The following CA8 variants were observed in gnomAD, a reference collection of about 807,000 sequenced individuals.
CA8 encodes carbonic anhydrase 8 (inactive), also known as carbonic anhydrase-related protein.
CA8 carries 22 observed loss-of-function variants against 41.4 expected under a neutral mutation model. The observed-to-expected ratio is 0.53, with a 90% CI of 0.38 to 0.76. The LOEUF is 0.76. CA8 is among the 30% of genes least tolerant of loss of function. The pLI is 0.00. For synonymous variants in CA8, 121 were observed against 130.6 expected (o/e 0.93, Z 0.50); for missense variants, 270 against 352.8 (o/e 0.77, Z 1.88).
intron 2 of CA8, among the ~76,000 whole-genome samples, chr8:60,278,451 C>T (rs2130635858): frequency 6.6e-6 from 1 of 152,330 alleles, no homozygotes; most frequent in African/African-American, 2.4e-5. Flanking sequence ...CATCTCAACA[C>T]ATCAACACAC....
rs1805941766 is a variant in CA8 at position 60,185,581 on chromosome 8, C to A, written c.*4440G>T. 6.6e-6 allele frequency among the ~76,000 whole-genome samples: 1 copy of A among 151,912 alleles called. No homozygotes were observed. The highest frequency in any genetic ancestry group is 2.1e-4 in the South Asian group (1 of 4,822). On this transcript the variant is annotated 3_prime_UTR_variant, in exon 9 of 9. Transcript: ENST00000317995. ...AACCATTTGTTTTTGAAAGCAGAAA[C>A]AGAAAAACGATTTGTCTTGTAGAAG... is the stretch of plus-strand genomic sequence containing the variant.
intron 7 of CA8, among the ~76,000 whole-genome samples, chr8:60,218,306 G>GT (rs5891754): frequency 0.048 from 6,970 of 146,164 alleles, 367 homozygotes; most frequent in African/African-American, 0.13. Context: ...AAATGACTGG[G>GT]TTTTTTTTTT....
intron 3 of CA8, among the ~76,000 whole-genome samples, chr8:60,251,814 C>G (rs139105293): frequency 6.6e-6 from 1 of 152,256 alleles, no homozygotes; most frequent in East Asian, 1.9e-4. Context: ...GTAGGGCAAT[C>G]AAGTATAATT....
At chr8:60,224,121 A>G (rs1376430780) in intron 6 of CA8, among the ~76,000 whole-genome samples, 1 of 152,202 alleles carries the variant, frequency 6.6e-6, no homozygotes, top group African/African-American at 2.4e-5. Context: ...TCACTTTGTC[A>G]CCCAGGCTGG....
chr8:60,224,969 G>C (rs899326759), intron 5 of CA8, among the ~76,000 whole-genome samples: 1 of 151,718 alleles, frequency 6.6e-6, no homozygotes, highest in Non-Finnish European at 1.5e-5. Flanking sequence ...CTTTCCTCCT[G>C]CTTGCTTTCA....
chr8:60,279,080 T>C (rs549883726), intron 2 of CA8, among the ~76,000 whole-genome samples: 10 of 152,092 alleles, frequency 6.6e-5, no homozygotes, highest in Non-Finnish European at 1.2e-4. Flanking sequence ...TCAAATAGGT[T>C]TGCAAGTGGT....
In CA8 at chr8:60,190,957, T is replaced by TATACACAC. The variant is rs1554573722; in HGVS notation, c.*36-973_*36-972insGTGTGTAT. ...CACACACTATATATATATATATATA[T>TATACACAC]ACACACACACATTTCTACATATGCA... On this transcript the variant is annotated intron_variant, in intron 8 of 8. Transcript: ENST00000317995. Among the ~76,000 whole-genome samples, 8 of 104,240 alleles carry TATACACAC rather than the reference T, an allele frequency of 7.7e-5. 1 individual carries two copies. The highest frequency in any genetic ancestry group is 1.0e-4 in the Non-Finnish European group (5 of 48,072). The allele number at this position is 104,240 out of a possible 152,430, so 68.4% of individuals were successfully genotyped here.
intron 2 of CA8, among the ~76,000 whole-genome samples, chr8:60,273,884 G>A (rs1804146370): frequency 6.6e-6 from 1 of 152,214 alleles, no homozygotes; most frequent in Non-Finnish European, 1.5e-5. Context: ...TATTAAGGCA[G>A]TAACTCCAGA....
chr8:60,273,757 T>C (rs868580396), intron 2 of CA8, among the ~76,000 whole-genome samples: 1 of 152,230 alleles, frequency 6.6e-6, no homozygotes, highest in Non-Finnish European at 1.5e-5. Context: ...CCTGTAAGAA[T>C]ATAAAAATGC....
intron 7 of CA8, among the ~76,000 whole-genome samples, chr8:60,209,654 T>C (rs745354200): frequency 1.3e-5 from 2 of 152,246 alleles, no homozygotes; most frequent in Non-Finnish European, 2.9e-5. Flanking sequence ...ATTTATCAGA[T>C]AGATTCAAGG....
At chr8:60,268,344 T>C (rs1015646702) in intron 2 of CA8, among the ~76,000 whole-genome samples, 1 of 152,214 alleles carries the variant, frequency 6.6e-6, no homozygotes, top group African/African-American at 2.4e-5. Context: ...AAAACTGCTC[T>C]GTTACAAAGC....
Position 60,189,673 on chromosome 8 carries a change from T to A in CA8, c.*348A>T, listed in dbSNP as rs377681636. ...GAATGTATTTTTCCTTTCTCAATATTAACACATGATATATATTCATATTAA... is the reference window on the plus strand; with the variant it reads ...GAATGTATTTTTCCTTTCTCAATATAAACACATGATATATATTCATATTAA... On this transcript the variant is annotated 3_prime_UTR_variant, in exon 9 of 9. Coordinates refer to ENST00000317995, the MANE Select transcript of CA8 (RefSeq NM_004056.6). The A allele has an allele frequency of 7.6e-4, 116 of 152,620 alleles. No homozygotes were observed. Among genetic ancestry groups the A allele is most frequent in the African/African-American group, 2.6e-3 (106 of 41,558 alleles). 9.5% of individuals were successfully genotyped at this position (152,620 alleles called of 1,614,324 possible).
At chr8:60,221,449 T>C (rs1314149949) in intron 7 of CA8, among the ~76,000 whole-genome samples, 1 of 152,202 alleles carries the variant, frequency 6.6e-6, no homozygotes, top group Non-Finnish European at 1.5e-5. Context: ...CATTTAGTGG[T>C]ACTAAGAAAC....
intron 3 of CA8, among the ~76,000 whole-genome samples, chr8:60,258,098 A>G (rs571564471): frequency 7.9e-5 from 12 of 152,330 alleles, no homozygotes; most frequent in Non-Finnish European, 1.6e-4. Context: ...TCCTCTCTCC[A>G]GCGTCTCCAC....
At chr8:60,265,274 G>A (rs1184762332) in intron 3 of CA8, 1 of 152,556 alleles carries the variant, frequency 6.6e-6, no homozygotes, top group African/African-American at 2.4e-5. Context: ...ACAACCCATG[G>A]GGCCAGCGCC....
intron 3 of CA8, among the ~76,000 whole-genome samples, chr8:60,261,136 A>T (rs2130580931): frequency 6.6e-6 from 1 of 152,290 alleles, no homozygotes; most frequent in South Asian, 2.1e-4. Context: ...GGCCAAATAT[A>T]GTTTAAGGAT....
chr8:60,245,276 C>CA (rs879941013), intron 3 of CA8, among the ~76,000 whole-genome samples: 63 of 147,916 alleles, frequency 4.3e-4, no homozygotes, highest in Middle Eastern at 3.5e-3. Context: ...AGAATTCTAC[C>CA]AAAAAAAAAA....
chr8:60,226,079 A>G (rs954568090), intron 5 of CA8, among the ~76,000 whole-genome samples: 1 of 152,192 alleles, frequency 6.6e-6, no homozygotes, highest in Non-Finnish European at 1.5e-5. Context: ...ACATATGTGT[A>G]CTTGTTTTCT....
chr8:60,263,390 GTGTC>G (rs1431867335), intron 3 of CA8, among the ~76,000 whole-genome samples: 1 of 150,750 alleles, frequency 6.6e-6, no homozygotes, highest in Non-Finnish European at 1.5e-5. Context: ...TTTGCTTATA[GTGTC>G]TGTCTGTCTA....
Sources: allele counts gnomAD v4.1 joint callset (sites outside exome capture counted in the v4.1 genomes callset), GRCh38; gene constraint gnomAD v4.1.1; transcripts MANE v1.5; gene names NCBI Gene and HGNC (gene_info 2026-07-23, HGNC 2026-07-21).